Variants in SMARCA4 observed in about 807,000 individuals in gnomAD.
SMARCA4 encodes SWI/SNF related BAF chromatin remodeling complex subunit ATPase 4.
Under a neutral mutation model 193.9 loss-of-function variants are expected in SMARCA4, and 31 were observed. That is an observed-to-expected ratio of 0.16 (90% CI 0.12 to 0.22). The LOEUF (loss-of-function observed/expected upper bound fraction) is 0.22. Among genes scored for constraint, SMARCA4 ranks in the 10% least tolerant of loss-of-function variants. The pLI, the probability that SMARCA4 is intolerant of heterozygous loss-of-function variation, is 1.00. For synonymous variants in SMARCA4, 942 were observed against 933.1 expected (o/e 1.01, Z -0.17); for missense variants, 1,148 against 2,296.0 (o/e 0.50, Z 10.22).
intron 1 of SMARCA4, among the ~76,000 whole-genome samples, chr19:10,968,915 T>TGCCTCCTGGAGGCATC (rs1405966172): frequency 2.0e-5 from 3 of 152,212 alleles, no homozygotes; most frequent in Non-Finnish European, 4.4e-5. Context: ...CTGAAGGCCT[T>TGCCTCCTGGAGGCATC]GCCTGCCTCC....
At position 11,003,440 on chromosome 19, in the gene SMARCA4, T is replaced by C; in HGVS notation, c.2001+43T>C. 4 of 1,506,522 alleles carry C rather than the reference T, an allele frequency of 2.7e-6. No individual in the cohort carries two copies. The South Asian group carries it at 4.5e-5, about 17-fold the overall frequency. The allele number at this position is 1,506,522 out of a possible 1,614,324, so 93.3% of individuals were successfully genotyped here. A position where few individuals can be genotyped will look rare whatever the true frequency, so the allele number is the denominator to read the frequency against. On this transcript the variant is annotated intron_variant, in intron 13 of 34. Coordinates refer to ENST00000344626, the MANE Select transcript of SMARCA4 (RefSeq NM_003072.5). ...GGCTTTCAAGGCTCTCAGTGCCCAC[T>C]GGCAGTGACTTCCACCCTGTGTGTT...
At chr19:10,982,456 A>G (rs527883314) in intron 1 of SMARCA4, among the ~76,000 whole-genome samples, 74 of 152,244 alleles carry the variant, frequency 4.9e-4, no homozygotes, top group Non-Finnish European at 7.4e-4. Flanking sequence ...CCTGGGCAAC[A>G]AGAGTGAAAC....
chr19:10,964,881 A>G (rs2084092457), intron 1 of SMARCA4, among the ~76,000 whole-genome samples: 2 of 152,056 alleles, frequency 1.3e-5, no homozygotes, highest in South Asian at 4.1e-4. Context: ...TCGGCCTCCC[A>G]AAGTGTTGGG....
chr19:11,036,604 C>G (rs1270593680), intron 29 of SMARCA4, among the ~76,000 whole-genome samples: 1 of 152,146 alleles, frequency 6.6e-6, no homozygotes, highest in African/African-American at 2.4e-5. Flanking sequence ...AATTTAAGAT[C>G]AGTTCATACG....
At chr19:11,055,528 T>A (rs574640046) in intron 30 of SMARCA4, among the ~76,000 whole-genome samples, 1 of 152,078 alleles carries the variant, frequency 6.6e-6, no homozygotes, top group South Asian at 2.1e-4. Flanking sequence ...TGTTTCTCAT[T>A]AGCCTGATGG....
Position 11,035,150 on chromosome 19 carries a change from C to A in SMARCA4, c.4170+18C>A, listed in dbSNP as rs768191285. 3 of 1,602,700 alleles carry A rather than the reference C, an allele frequency of 1.9e-6. No individual in the cohort carries two copies. The highest frequency in any genetic ancestry group is 2.6e-6 in the Non-Finnish European group (3 of 1,174,936). Reference sequence around the variant, plus strand: ...GGCTCAAGGTACATGCTGGAGAGGCCCAGCAGCTGCCGCAGGCCAGCGCCA... The same window carrying A: ...GGCTCAAGGTACATGCTGGAGAGGCACAGCAGCTGCCGCAGGCCAGCGCCA... On this transcript the variant is annotated intron_variant, in intron 29 of 34. Coordinates refer to ENST00000344626, the MANE Select transcript of SMARCA4 (RefSeq NM_003072.5).
At chr19:11,008,349 A>G (rs781717308) in intron 14 of SMARCA4, 2 of 368,100 alleles carry the variant, frequency 5.4e-6, no homozygotes, top group African/African-American at 2.1e-5. Flanking sequence ...CTTGTGTGTC[A>G]TCTTCCAGAG....
Position 11,060,143 on chromosome 19 carries a change from A to T in SMARCA4, c.4867A>T (p.Lys1623Ter), listed in dbSNP as rs1484090476. 6.4e-7 allele frequency: 1 copy of T among 1,551,144 alleles called. No homozygotes were observed. Among genetic ancestry groups the T allele is most frequent in the African/African-American group, 1.4e-5 (1 of 73,166 alleles). Residue 1623 changes from lysine (K) to a stop codon, truncating the protein, a stop_gained, in exon 34 of 35, where the codon AAG becomes TAG. Transcript: ENST00000344626. LOFTEE classifies it high-confidence loss of function. ...GCGGCCGAGCCGAGGGTCCCGAGCC[A>T]AGCCGGTCGTGAGTGACGATGACAG... Reference protein sequence around the residue: ...RRRPSRGSRAKPVVSDDDSEE... With the variant: ...RRRPSRGSRA
rs1555784509 is a variant in SMARCA4 at position 11,033,355 on chromosome 19, C to G, written c.3612C>G (p.Leu1204=). ...AGAACGAGGTGCGTGTGCTCCGCCT[C>G]TGCACCGTCAACAGCGTGGAGGAGA... ...GQQNEVRVLR[L]CTVNSVEEKI... is the part of the protein sequence containing the mutation. Residue 1204 remains leucine, a synonymous_variant, in exon 26 of 35, where the codon CTC becomes CTG. Coordinates refer to ENST00000344626, the MANE Select transcript of SMARCA4 (RefSeq NM_003072.5). The surrounding 1 kb of genome is among the most constrained non-coding windows in gnomAD (Gnocchi z 9.8). 2 of 1,613,186 alleles carry G rather than the reference C, an allele frequency of 1.2e-6. No individual in the cohort carries two copies. Among genetic ancestry groups the G allele is most frequent in the Admixed American group, 1.7e-5 (1 of 60,012 alleles).
In SMARCA4 at chr19:11,030,478, A is replaced by G. The variant is rs1600361135; in HGVS notation, c.3383-252A>G. Among the ~76,000 whole-genome samples the G allele has an allele frequency of 6.6e-6, 1 of 151,938 alleles. No individual in the cohort carries two copies. The highest frequency in any genetic ancestry group is 1.5e-5 in the Non-Finnish European group (1 of 67,986). ...GTGCTGGACTCTGTGCTCCAGGCCC[A>G]CCTCCTCTAGTTCTCCCAGCGGGGC... On this transcript the variant is annotated intron_variant, in intron 24 of 34. Transcript: ENST00000344626. The surrounding 1 kb of genome is among the most constrained non-coding windows in gnomAD (Gnocchi z 5.5).
At chr19:11,048,369 T>C (rs2076068726) in intron 30 of SMARCA4, among the ~76,000 whole-genome samples, 1 of 152,160 alleles carries the variant, frequency 6.6e-6, no homozygotes, top group South Asian at 2.1e-4. Context: ...GTAGCTGGGA[T>C]TACAGGTGCA....
At chr19:11,004,397 C>T (rs1164449229) in intron 13 of SMARCA4, among the ~76,000 whole-genome samples, 5 of 151,666 alleles carry the variant, frequency 3.3e-5, no homozygotes, top group Admixed American at 6.6e-5. Flanking sequence ...TACAGGCGCC[C>T]GCCACCATGC....
rs749700321 is a variant in SMARCA4, at chr19:11,059,798, C to T, written c.4681C>T (p.Arg1561Trp). ...IVLQSVFTSV[R>W]QKIEKEDDSE... Reference sequence around the variant, plus strand: ...CTTGCAGTCGGTCTTCACCAGCGTGCGGCAGAAAATCGAGAAGGAGGATGA... The same window carrying T: ...CTTGCAGTCGGTCTTCACCAGCGTGTGGCAGAAAATCGAGAAGGAGGATGA... Residue 1561 changes from arginine (R) to tryptophan (W), a missense_variant, in exon 33 of 35, where the codon CGG becomes TGG. By Grantham distance (101) the Arg-to-Trp change is moderately radical. Coordinates refer to ENST00000344626, the MANE Select transcript of SMARCA4 (RefSeq NM_003072.5). 6.8e-6 allele frequency: 11 copies of T among 1,607,976 alleles called. No individual in the cohort carries two copies. Among genetic ancestry groups the T allele is most frequent in the South Asian group, 1.1e-5 (1 of 90,110 alleles).
At position 11,041,565 on chromosome 19, in the gene SMARCA4, G is replaced by T; in HGVS notation, c.4424+5G>T. 6.2e-7 allele frequency: 1 copy of T among 1,611,866 alleles called. No individual in the cohort carries two copies. The highest frequency in any genetic ancestry group is 8.5e-7 in the Non-Finnish European group (1 of 1,179,448). ...CGTGATCAAGTACAAGGACAGGTAA[G>T]CGAGGAGGCGGGGAGGGCGGGGGCT... On this transcript the variant is annotated splice_donor_5th_base_variant and intron_variant, in intron 30 of 34. Coordinates refer to ENST00000344626, the MANE Select transcript of SMARCA4 (RefSeq NM_003072.5). The surrounding 1 kb of genome is among the most constrained non-coding windows in gnomAD (Gnocchi z 5.6).
intron 1 of SMARCA4, among the ~76,000 whole-genome samples, chr19:10,981,911 C>T (rs1203161117): frequency 2.6e-5 from 4 of 152,062 alleles, no homozygotes; most frequent in African/African-American, 7.2e-5. Context: ...CGGCTTGAGC[C>T]CCCGAGGTCA....
At chr19:10,968,966 TTGCCCTTCCTCTTGACTC>T (rs1441935954) in intron 1 of SMARCA4, among the ~76,000 whole-genome samples, 1 of 152,218 alleles carries the variant, frequency 6.6e-6, no homozygotes, top group Non-Finnish European at 1.5e-5. Flanking sequence ...GGCTCTTTAC[TTGCCCTTCCTCTTGACTC>T]TGCCCTTCCT....
In SMARCA4 at chr19:11,032,960, G is replaced by A. The variant is rs112574603; in HGVS notation, c.3547-330G>A. ...ATGGTGCTCGACTGTGTAGGTCCAC[G>A]CTGTGGGGAGCTGTGCCGCTGCCAC... On this transcript the variant is annotated intron_variant, in intron 25 of 34. Coordinates refer to ENST00000344626, the MANE Select transcript of SMARCA4 (RefSeq NM_003072.5). The A allele has an allele frequency of 0.014, 6,067 of 430,836 alleles. 201 individuals carry two copies. The highest frequency in any genetic ancestry group is 0.056 in the South Asian group (2,703 of 47,972). The allele number at this position is 430,836 out of a possible 1,614,324, so 26.7% of individuals were successfully genotyped here.
At chr19:10,971,875 C>T (rs183882154) in intron 1 of SMARCA4, among the ~76,000 whole-genome samples, 39 of 151,412 alleles carry the variant, frequency 2.6e-4, no homozygotes, top group African/African-American at 7.8e-4. Context: ...CTCCGCCTCC[C>T]GGGTTCAAGC....
chr19:11,001,477 T>A (rs55716353), intron 11 of SMARCA4, among the ~76,000 whole-genome samples: 50,711 of 151,770 alleles, frequency 0.33, 8,640 homozygotes, highest in South Asian at 0.46. Flanking sequence ...TTAAAAATCT[T>A]AAAAAGCGAG....
Sources: gnomAD v4.1 joint callset for allele counts (sites outside exome capture counted in the v4.1 genomes callset) on GRCh38, gnomAD v4.1.1 for gene constraint, Gnocchi (gnomAD v3.1) non-coding constraint, MANE v1.5 for transcripts, NCBI Gene and HGNC (gene_info 2026-07-23, HGNC 2026-07-21) for gene names.